Variants in SPTAN1 observed in about 807,000 individuals in gnomAD.
SPTAN1 encodes the protein spectrin alpha, non-erythrocytic 1, also known as spectrin alpha chain, non-erythrocytic 1.
SPTAN1 carries 61 observed loss-of-function variants against 331.3 expected under a neutral mutation model. That is an observed-to-expected ratio of 0.18 (90% CI 0.15 to 0.23). The LOEUF is 0.23. Ranked by LOEUF, SPTAN1 falls within the 10% of genes least tolerant of loss-of-function variation. The pLI is 1.00. For synonymous variants in SPTAN1, 1,153 were observed against 1,173.9 expected, an observed-to-expected ratio of 0.98 and a Z score of 0.36; for missense variants, 2,043 against 3,147.9, an observed-to-expected ratio of 0.65 and a Z score of 8.40.
At chr9:128,624,123 AAGT>A (rs1858366279) in intron 45 of SPTAN1, among the ~76,000 whole-genome samples, 1 of 151,366 alleles carries the variant, frequency 6.6e-6, no homozygotes. Flanking sequence ...GAATTCCTAA[AAGT>A]AGAATTGTCA....
At chr9:128,593,987 T>C (rs1648346657) in intron 23 of SPTAN1, 188 bp from the exon 24 acceptor site, 3 of 658,406 alleles carry the variant, frequency 4.6e-6, no homozygotes, top group African/African-American at 3.5e-5. Context: ...TGCGCATATC[T>C]CTCAGGCTGT....
chr9:128,555,541 A>C, intron 1 of SPTAN1: 3 of 487,566 alleles, frequency 6.2e-6, no homozygotes, highest in Non-Finnish European at 9.3e-6. Context: ...TGTTAAACAA[A>C]TTGGTTAGGA....
chr9:128,629,350 TG>T lies in SPTAN1; in HGVS notation c.6708-965del, dbSNP rs1292023751. Among the ~76,000 whole-genome samples the T allele has an allele frequency of 6.6e-6, 1 of 151,648 alleles. No homozygotes were observed. The highest frequency in any genetic ancestry group is 1.5e-5 in the Non-Finnish European group (1 of 67,882). On this transcript the variant is annotated intron_variant, in intron 51 of 56. Coordinates refer to ENST00000372739, the MANE Select transcript of SPTAN1 (RefSeq NM_001130438.3). This position sits in a 1 kb window ranked among gnomAD's most constrained non-coding sequence, Gnocchi z 4.9. Reference sequence around the variant, plus strand: ...CACCCAGCCTCCTGCCCCCAGGTCCTGGGGGGCATTTTCCCCGGGGGGACAT... The same window carrying T: ...CACCCAGCCTCCTGCCCCCAGGTCCTGGGGGCATTTTCCCCGGGGGGACAT...
rs113208670 is a variant in SPTAN1 at position 128,600,373 on chromosome 9, G to A, written c.3579+258G>A. ...GGTGCAGGATATGCTGCAGCAGGGAGCACTGTTGTTGGCAGGGTCCCACCA... is the reference window on the plus strand; with the variant it reads ...GGTGCAGGATATGCTGCAGCAGGGAACACTGTTGTTGGCAGGGTCCCACCA... On this transcript the variant is annotated intron_variant, in intron 27 of 56. Transcript: ENST00000372739. 6.1e-3 allele frequency among the ~76,000 whole-genome samples: 934 copies of A among 152,332 alleles called. 8 individuals are homozygous for A. Among genetic ancestry groups the A allele is most frequent in the African/African-American group, 0.021 (867 of 41,574 alleles).
rs1330288553 is a variant in SPTAN1 at position 128,606,485 on chromosome 9, A to AT, written c.4046+1009dup. Among the ~76,000 whole-genome samples, 6 of 30,854 alleles carry AT rather than the reference A, an allele frequency of 1.9e-4. No individual in the cohort carries two copies. The East Asian group carries it at 5.6e-3, about 29-fold the overall frequency. The allele number at this position is 30,854 out of a possible 152,430, so 20.2% of individuals were successfully genotyped here. A position where few individuals can be genotyped will look rare whatever the true frequency, so the allele number is the denominator to read the frequency against. On this transcript the variant is annotated intron_variant, in intron 31 of 56. Transcript: ENST00000372739. The stretch of plus-strand genomic sequence containing the variant: ...TTTTTCCCTAGACATATATATATAT[A>AT]TATTTTTTTTTTGGGGGGGGAAGCG...
intron 19 of SPTAN1, among the ~76,000 whole-genome samples, chr9:128,586,984 A>T (rs1852735703): frequency 6.6e-6 from 1 of 151,948 alleles, no homozygotes. Flanking sequence ...CGCCCAGCTA[A>T]CTTTTTTTGT....
Position 128,618,138 on chromosome 9 carries a change from A to C in SPTAN1, c.5600+30A>C, listed in dbSNP as rs1221188263. The C allele has an allele frequency of 2.5e-6, 4 of 1,611,866 alleles. No individual in the cohort carries two copies. In the South Asian group the frequency reaches 4.4e-5, roughly 18 times the overall value. ...GTAGTCAGAGGCAGGAGCTCCCGGG[A>C]ACAAGTGGAAGGCCAGCACCCAAGG... On this transcript the variant is annotated intron_variant, in intron 43 of 56. Transcript: ENST00000372739.
intron 1 of SPTAN1, among the ~76,000 whole-genome samples, chr9:128,563,076 A>G (rs1297726765): frequency 1.3e-5 from 2 of 149,518 alleles, no homozygotes. Flanking sequence ...TAAGCTTTTC[A>G]AGGTCACTCC....
intron 12 of SPTAN1, 151 bp downstream of exon 12, chr9:128,582,043 T>A: frequency 1.4e-6 from 1 of 696,812 alleles, no homozygotes; most frequent in Non-Finnish European, 2.6e-6. Flanking sequence ...ACATGCTATC[T>A]CGTTGAAGAC....
chr9:128,624,399 A>T lies in SPTAN1; in HGVS notation c.5904A>T (p.Lys1968Asn), dbSNP rs778709187. Residue 1968 changes from lysine to asparagine, a missense_variant, in exon 46 of 57, where the codon AAA becomes AAT. By Grantham distance (94) the Lys-to-Asn change is moderately conservative (BLOSUM62 0). Coordinates refer to ENST00000372739, the MANE Select transcript of SPTAN1 (RefSeq NM_001130438.3). ...ACGGGAAAGTGTCAGACCTGGAGAA[A>T]GCTGCAGCCCAGAGAAAGGCGAAGC... ...GLNGKVSDLE[K>N]AAAQRKAKLD... is the part of the protein sequence containing the mutation. The T allele has an allele frequency of 3.7e-6, 6 of 1,613,944 alleles. No homozygotes were observed. Among genetic ancestry groups the T allele is most frequent in the South Asian group, 2.2e-5 (2 of 91,084 alleles).
chr9:128,621,792 A>G, intron 45 of SPTAN1: 1 of 169,540 alleles, frequency 5.9e-6, no homozygotes, highest in South Asian at 1.4e-4. Flanking sequence ...CTTCATTCGC[A>G]GCCCTTTTGG....
intron 21 of SPTAN1, among the ~76,000 whole-genome samples, chr9:128,590,604 C>T (rs1224799321): frequency 4.7e-5 from 7 of 148,808 alleles, no homozygotes; most frequent in South Asian, 2.1e-4. Flanking sequence ...ATAATATCAG[C>T]GCTTTGGGAG....
At chr9:128,589,531 C>G (rs1420619981) in intron 21 of SPTAN1, among the ~76,000 whole-genome samples, 2 of 150,388 alleles carry the variant, frequency 1.3e-5, no homozygotes, top group African/African-American at 4.9e-5. Flanking sequence ...CCACCTCAGC[C>G]TCCCAAAGTG....
At chr9:128,622,568 G>A (rs1858039618) in intron 45 of SPTAN1, among the ~76,000 whole-genome samples, 1 of 151,800 alleles carries the variant, frequency 6.6e-6, no homozygotes, top group African/African-American at 2.4e-5. Flanking sequence ...CAAAGTGCTG[G>A]GATTACAGGC....
At chr9:128,553,253 C>T (rs1286248182) in intron 1 of SPTAN1, 1 of 152,298 alleles carries the variant, frequency 6.6e-6, no homozygotes, top group African/African-American at 2.4e-5. Context: ...CATGGCGAAT[C>T]TCTGCCGTCT....
rs779838514 is a variant in SPTAN1 at position 128,583,224 on chromosome 9, C to T, written c.1954C>T (p.Arg652Cys). 5.6e-6 allele frequency: 9 copies of T among 1,613,866 alleles called. No individual in the cohort carries two copies. Among genetic ancestry groups the T allele is most frequent in the South Asian group, 1.1e-5 (1 of 91,058 alleles). Reference sequence around the variant, plus strand: ...CTATGCCAAGGATGAAGTGGCAGCTCGTATGAATGAGGTGATCAGTTTGTG... The same window carrying T: ...CTATGCCAAGGATGAAGTGGCAGCTTGTATGAATGAGGTGATCAGTTTGTG... ...NHYAKDEVAA[R>C]MNEVISLWKK... The change falls in exon 15 of 57, where the codon CGT (arginine) becomes TGT (cysteine). Residue 652 changes from arginine to cysteine, a missense_variant. By Grantham distance (180) the Arg-to-Cys change is radical. Transcript: ENST00000372739.
chr9:128,602,993 T>C (rs1488219837), intron 27 of SPTAN1, among the ~76,000 whole-genome samples: 1 of 152,178 alleles, frequency 6.6e-6, no homozygotes, highest in East Asian at 1.9e-4. Flanking sequence ...GTTGTTGAAA[T>C]GTACGTTGTT....
At chr9:128,592,935 T>C (rs766194986) in intron 22 of SPTAN1, 48 bp from the exon 23 acceptor site, 1 of 1,561,396 alleles carries the variant, frequency 6.4e-7, no homozygotes, top group Admixed American at 1.8e-5. Flanking sequence ...TCCCTGTGGA[T>C]TAACCCCACT....
intron 20 of SPTAN1, 109 bp downstream of exon 20, chr9:128,587,807 G>A: frequency 3.8e-6 from 3 of 798,948 alleles, no homozygotes; most frequent in Non-Finnish European, 6.5e-6. Flanking sequence ...ATTAACTCTT[G>A]TGACACAAAG....
Sources: allele counts gnomAD v4.1 joint callset (sites outside exome capture counted in the v4.1 genomes callset), GRCh38; gene constraint gnomAD v4.1.1; non-coding constraint Gnocchi (gnomAD v3.1); transcripts MANE v1.5; gene names NCBI Gene and HGNC (gene_info 2026-07-23, HGNC 2026-07-21).